RNF220: variants seen among roughly 807,000 people sequenced by gnomAD.
RNF220 encodes the protein ring finger protein 220, also known as E3 ubiquitin-protein ligase RNF220.
In RNF220, 7 loss-of-function variants were observed where a neutral mutation model predicts 67.1. The observed-to-expected ratio is 0.10, with a 90% CI of 0.06 to 0.20. The LOEUF is 0.20. Among genes scored for constraint, RNF220 ranks in the 10% least tolerant of loss-of-function variants. RNF220 has a pLI of 1.00. For missense variants in RNF220, 565 were observed against 740.3 expected (o/e 0.76, Z 2.75); for synonymous variants, 270 against 283.2 (o/e 0.95, Z 0.47).
At chr1:44,438,680 C>G (rs1651233492) in intron 2 of RNF220, among the ~76,000 whole-genome samples, 6 of 152,190 alleles carry the variant, frequency 3.9e-5, no homozygotes, top group Admixed American at 3.9e-4. Flanking sequence ...GAGACAAAAA[C>G]CCTATACCAG....
chr1:44,526,442 G>A (rs1470864876), intron 2 of RNF220, among the ~76,000 whole-genome samples: 2 of 152,098 alleles, frequency 1.3e-5, no homozygotes, highest in Non-Finnish European at 2.9e-5. Flanking sequence ...GCCTCACCCT[G>A]GAGGCCATCT....
At chr1:44,450,394 A>T (rs1652550409) in intron 2 of RNF220, among the ~76,000 whole-genome samples, 1 of 152,188 alleles carries the variant, frequency 6.6e-6, no homozygotes, top group African/African-American at 2.4e-5. Flanking sequence ...AGAAATAACT[A>T]AAAAGTAAAA....
intron 2 of RNF220, among the ~76,000 whole-genome samples, chr1:44,601,339 A>G (rs766413791): frequency 6.6e-5 from 10 of 152,138 alleles, no homozygotes; most frequent in Non-Finnish European, 1.3e-4. Flanking sequence ...AGAGAAGGAG[A>G]AGAAAAGGCC....
rs1224894239 is a variant in RNF220 at position 44,412,612 on chromosome 1, G to C, written c.515G>C (p.Ser172Thr). Residue 172 changes from serine (S) to threonine (T), a missense_variant, in exon 2 of 15, where the codon AGC becomes ACC. Physicochemically the swap from Ser to Thr is moderately conservative, Grantham distance 58. Transcript: ENST00000361799. This position sits in a 1 kb window ranked among gnomAD's most constrained non-coding sequence, Gnocchi z 5.3. ...EYDFGTQLPS[S>T]SPGSLKVDDT... ...GACTTTGGGACACAGCTGCCATCTA[G>C]CTCCCCCGGTTCACTAAAGGTTGAT... The C allele has an allele frequency of 1.2e-6, 2 of 1,614,050 alleles. No individual in the cohort carries two copies. Among genetic ancestry groups the C allele is most frequent in the Admixed American group, 1.7e-5 (1 of 60,006 alleles).
At chr1:44,619,560 T>C (rs1028532481) in intron 3 of RNF220, among the ~76,000 whole-genome samples, 4 of 152,332 alleles carry the variant, frequency 2.6e-5, no homozygotes, top group African/African-American at 9.6e-5. Flanking sequence ...TCAGTGTAAA[T>C]CACCTTAATT....
chr1:44,605,029 C>T (rs568363434), intron 2 of RNF220, among the ~76,000 whole-genome samples: 6 of 152,194 alleles, frequency 3.9e-5, no homozygotes, highest in South Asian at 2.1e-4. Context: ...GGGCCGGGCG[C>T]GGTGGCTCAT....
At position 44,412,206 on chromosome 1, in the gene RNF220, G is replaced by C; in HGVS notation, c.109G>C (p.Asp37His). The C allele has an allele frequency of 6.2e-7, 1 of 1,614,186 alleles. No homozygotes were observed. The highest frequency in any genetic ancestry group is 8.5e-7 in the Non-Finnish European group (1 of 1,180,032). ...GGCATCCACGGCTGAGGCCAGCCGT[G>C]ATGCTTCCATCCCTTGTCAGCAGCC... ...VLASTAEASR[D>H]ASIPCQQPRP... Residue 37 changes from aspartate (D) to histidine (H), a missense_variant, in exon 2 of 15, where the codon GAT (aspartate) becomes CAT (histidine). Coordinates refer to ENST00000361799, the MANE Select transcript of RNF220 (RefSeq NM_018150.4). The surrounding 1 kb of genome is among the most constrained non-coding windows in gnomAD (Gnocchi z 5.3).
chr1:44,635,079 A>G (rs1415440163), intron 6 of RNF220, among the ~76,000 whole-genome samples: 1 of 152,306 alleles, frequency 6.6e-6, no homozygotes, highest in East Asian at 1.9e-4. Flanking sequence ...CTCTTGGCCC[A>G]GGAACCAAAG....
chr1:44,622,477 T>C lies in RNF220; in HGVS notation c.759-265T>C, dbSNP rs76330192. ...GTCAGGTAAAGCCCCTTTCTTCAGA[T>C]CCACTGGGAAATCTACCATGCCTAG... On this transcript the variant is annotated intron_variant, in intron 3 of 14. Coordinates refer to ENST00000361799, the MANE Select transcript of RNF220 (RefSeq NM_018150.4). The surrounding 1 kb of genome is among the most constrained non-coding windows in gnomAD (Gnocchi z 4.3). 0.017 allele frequency among the ~76,000 whole-genome samples: 2,577 copies of C among 152,214 alleles called. 70 individuals carry two copies. Among genetic ancestry groups the C allele is most frequent in the African/African-American group, 0.059 (2,466 of 41,504 alleles).
chr1:44,651,180 A>C lies in RNF220; in HGVS notation c.*405A>C. On this transcript the variant is annotated 3_prime_UTR_variant, in exon 15 of 15. Coordinates refer to ENST00000361799, the MANE Select transcript of RNF220 (RefSeq NM_018150.4). ...TGTATGTTTACAATGTTGTGTATAA[A>C]TGGGACAACTCCTCGCCCTCTACCT... 1 of 222,130 alleles carries C rather than the reference A, an allele frequency of 4.5e-6. No homozygotes were observed. The highest frequency in any genetic ancestry group is 9.5e-6 in the Non-Finnish European group (1 of 105,504). 13.8% of individuals were successfully genotyped at this position (222,130 alleles called of 1,614,324 possible).
chr1:44,568,245 G>A (rs532999675), intron 2 of RNF220, among the ~76,000 whole-genome samples: 3 of 152,294 alleles, frequency 2.0e-5, no homozygotes, highest in African/African-American at 7.2e-5. Flanking sequence ...GGCCCTGCCA[G>A]TTCTGCCTCC....
chr1:44,643,391 TAC>T (rs1349991226), intron 8 of RNF220: 4 of 152,254 alleles, frequency 2.6e-5, no homozygotes, highest in Non-Finnish European at 5.9e-5. Flanking sequence ...GCTTGGGGTT[TAC>T]AGAGTGAATT....
At chr1:44,583,352 C>T (rs769625578) in intron 2 of RNF220, among the ~76,000 whole-genome samples, 2 of 152,126 alleles carry the variant, frequency 1.3e-5, no homozygotes, top group African/African-American at 4.8e-5. Context: ...CTTGGCTTCT[C>T]GCAAAGTAAT....
chr1:44,429,395 A>G (rs1250645294), intron 2 of RNF220, among the ~76,000 whole-genome samples: 1 of 152,206 alleles, frequency 6.6e-6, no homozygotes, highest in African/African-American at 2.4e-5. Flanking sequence ...CCCTATTAAC[A>G]TTCTCTCTTG....
At chr1:44,607,368 CCTCT>C (rs1184883600) in intron 2 of RNF220, among the ~76,000 whole-genome samples, 1 of 152,118 alleles carries the variant, frequency 6.6e-6, no homozygotes, top group Admixed American at 6.5e-5. Context: ...CAGGATGCAC[CCTCT>C]CTATCATCAT....
chr1:44,587,337 A>G (rs6702370), intron 2 of RNF220, among the ~76,000 whole-genome samples: 3,304 of 151,904 alleles, frequency 0.022, 110 homozygotes, highest in African/African-American at 0.075. Context: ...TAGTGAAGAC[A>G]GGTTTCACCA....
intron 2 of RNF220, among the ~76,000 whole-genome samples, chr1:44,475,077 A>G (rs949914003): frequency 9.3e-5 from 13 of 140,068 alleles, no homozygotes; most frequent in East Asian, 3.9e-4. Flanking sequence ...AAGACTGAGG[A>G]AAAAAAAATC....
intron 2 of RNF220, among the ~76,000 whole-genome samples, chr1:44,448,608 A>G (rs1042545278): frequency 1.3e-5 from 2 of 152,234 alleles, no homozygotes; most frequent in African/African-American, 4.8e-5. Context: ...ACAGAAATGA[A>G]GACTGTCTAC....
chr1:44,470,493 C>T (rs893247216), intron 2 of RNF220, among the ~76,000 whole-genome samples: 4 of 152,168 alleles, frequency 2.6e-5, no homozygotes, highest in African/African-American at 4.8e-5. Flanking sequence ...ACACACAATT[C>T]CCCCTTCTTC....
Sources: gnomAD v4.1 joint callset for allele counts (sites outside exome capture counted in the v4.1 genomes callset) on GRCh38, gnomAD v4.1.1 for gene constraint, Gnocchi (gnomAD v3.1) non-coding constraint, MANE v1.5 for transcripts, NCBI Gene and HGNC (gene_info 2026-07-23, HGNC 2026-07-21) for gene names.